The following EPB41L1 variants were observed in gnomAD, a reference collection of about 807,000 sequenced individuals.
The protein encoded by EPB41L1 is erythrocyte membrane protein band 4.1 like 1, also known as band 4.1-like protein 1.
EPB41L1 carries 29 observed loss-of-function variants against 97.8 expected under a neutral mutation model. The observed-to-expected ratio is 0.30, with a 90% confidence interval of 0.22 to 0.40. The LOEUF is 0.40. Among genes scored for constraint, EPB41L1 ranks in the 10% least tolerant of loss-of-function variants. The pLI is 1.00. For synonymous variants in EPB41L1, 383 were observed against 459.2 expected (o/e 0.83, Z 2.12); for missense variants, 812 against 1,162.3 (o/e 0.70, Z 4.38).
chr20:36,108,526 T>C (rs1445908312), intron 1 of EPB41L1, among the ~76,000 whole-genome samples: 1 of 151,308 alleles, frequency 6.6e-6, no homozygotes, highest in African/African-American at 2.4e-5. Flanking sequence ...ATGCAAAAAT[T>C]AGCCAAGCAT....
intron 1 of EPB41L1, among the ~76,000 whole-genome samples, chr20:36,104,284 A>G (rs1569015787): frequency 6.6e-6 from 1 of 151,966 alleles, no homozygotes; most frequent in East Asian, 1.9e-4. Flanking sequence ...CTGGGAGGAG[A>G]CCCATATTCC....
intron 5 of EPB41L1, among the ~76,000 whole-genome samples, 163 bp from the exon 6 acceptor site, chr20:36,182,109 G>A (rs932757859): frequency 6.6e-6 from 1 of 152,214 alleles, no homozygotes; most frequent in Non-Finnish European, 1.5e-5. Flanking sequence ...TTGGGCCTCA[G>A]TTTGCTAATC....
intron 2 of EPB41L1, among the ~76,000 whole-genome samples, chr20:36,130,787 T>TTCTCTCTCTC (rs35428172): frequency 2.1e-5 from 3 of 143,666 alleles, no homozygotes; most frequent in Non-Finnish European, 4.6e-5. Context: ...TTTTAAAAAT[T>TTCTCTCTCTC]TCTCTCTCTC....
At chr20:36,147,127 G>A (rs931782674) in intron 2 of EPB41L1, among the ~76,000 whole-genome samples, 2 of 151,998 alleles carry the variant, frequency 1.3e-5, no homozygotes, top group South Asian at 2.1e-4. Flanking sequence ...CAGCATGGGC[G>A]ACAGAGTGAG....
At chr20:36,178,576 C>T in intron 4 of EPB41L1, 54 bp from the exon 5 acceptor site, 1 of 1,558,952 alleles carries the variant, frequency 6.4e-7, no homozygotes, top group South Asian at 1.1e-5. Context: ...TCTCTCAGCC[C>T]AGTCAGGTCC....
chr20:36,105,767 T>C (rs1034553780), intron 1 of EPB41L1, among the ~76,000 whole-genome samples: 2 of 152,054 alleles, frequency 1.3e-5, no homozygotes, highest in African/African-American at 4.8e-5. Flanking sequence ...CCTGCTGAAA[T>C]GAAAACCAGT....
At chr20:36,214,588 A>T (rs959880724) in intron 17 of EPB41L1, 148 bp downstream of exon 17, 2 of 716,844 alleles carry the variant, frequency 2.8e-6, no homozygotes, top group African/African-American at 3.5e-5. Flanking sequence ...GCTGTTTATT[A>T]TCTGGGGCTT....
At chr20:36,115,457 A>G (rs1347044649) in intron 2 of EPB41L1, among the ~76,000 whole-genome samples, 2 of 152,226 alleles carry the variant, frequency 1.3e-5, no homozygotes, top group Non-Finnish European at 2.9e-5. Flanking sequence ...CAGCCAGCAT[A>G]TGGCTGTGTG....
Position 36,209,353 on chromosome 20 carries a change from C to A in EPB41L1, c.1669-135C>A, listed in dbSNP as rs1029575183. On this transcript the variant is annotated intron_variant, in intron 14 of 21. Transcript: ENST00000338074. This position sits in a 1 kb window ranked among gnomAD's most constrained non-coding sequence, Gnocchi z 4.2. ...AAGGAACCTTTCCTGGGGTGTTTTT[C>A]ATTTCCTGGCCTGCTCTTCCATTCA... The A allele has an allele frequency of 4.7e-6, 3 of 639,896 alleles. No individual in the cohort carries two copies. Among genetic ancestry groups the A allele is most frequent in the Non-Finnish European group, 7.0e-6 (3 of 428,338 alleles). 39.6% of individuals were successfully genotyped at this position (639,896 alleles called of 1,614,324 possible). A position where few individuals can be genotyped will look rare whatever the true frequency, so the allele number is the denominator to read the frequency against.
chr20:36,192,939 A>G (rs550324712), intron 11 of EPB41L1, among the ~76,000 whole-genome samples: 3 of 152,356 alleles, frequency 2.0e-5, no homozygotes, highest in East Asian at 3.9e-4. Context: ...TTTGTCTGGT[A>G]TATGAAAATG....
chr20:36,197,757 T>C, intron 13 of EPB41L1, 102 bp from the exon 14 acceptor site: 1 of 1,606,416 alleles, frequency 6.2e-7, no homozygotes, highest in Non-Finnish European at 8.5e-7. Context: ...ATAACGTTGC[T>C]GGTGGAGGGT....
At chr20:36,123,373 G>T (rs1000842085) in intron 2 of EPB41L1, among the ~76,000 whole-genome samples, 1 of 152,152 alleles carries the variant, frequency 6.6e-6, no homozygotes, top group Non-Finnish European at 1.5e-5. Flanking sequence ...TCAGTTTCCC[G>T]ATCTAACGAG....
rs753437652 is a variant in EPB41L1, at chr20:36,185,291, C to G, written c.741C>G (p.Thr247=). 3.7e-6 allele frequency: 6 copies of G among 1,613,726 alleles called. No homozygotes were observed. The highest frequency in any genetic ancestry group is 3.3e-5 in the Admixed American group (2 of 60,032). ...VSELRFAPNQ[T]RELEERIMEL... is the part of the protein sequence containing the mutation. ...AGCTCCGCTTCGCCCCTAACCAGAC[C>G]CGGGAGCTGGAGGAGAGGATCATGG... Residue 247 remains threonine (T), a synonymous_variant, in exon 7 of 22, where the codon ACC becomes ACG. Transcript: ENST00000338074.
chr20:36,133,956 G>A (rs2059321101), intron 2 of EPB41L1, among the ~76,000 whole-genome samples: 1 of 152,030 alleles, frequency 6.6e-6, no homozygotes, highest in South Asian at 2.1e-4. Flanking sequence ...ATACTTGGAT[G>A]ACTAGGTGAG....
chr20:36,116,619 C>T (rs1600385548), intron 2 of EPB41L1, among the ~76,000 whole-genome samples: 3 of 152,192 alleles, frequency 2.0e-5, no homozygotes, highest in Admixed American at 1.3e-4. Flanking sequence ...TTTCTCCAGA[C>T]AGCACAGTGC....
In EPB41L1 at chr20:36,206,203, C is replaced by T; in HGVS notation, c.1669-3285C>T. On this transcript the variant is annotated intron_variant, in intron 14 of 21. Coordinates refer to ENST00000338074, the MANE Select transcript of EPB41L1 (RefSeq NM_012156.2). The surrounding 1 kb of genome is among the most constrained non-coding windows in gnomAD (Gnocchi z 5.5). ...AGAAAAGCTCCTCGAGGGCTCTGAG[C>T]TCAGGGCAGACACCAGAGAGGCAAC... 7.8e-7 allele frequency: 1 copy of T among 1,289,914 alleles called. No homozygotes were observed. Among genetic ancestry groups the T allele is most frequent in the African/African-American group, 1.5e-5 (1 of 66,008 alleles). 79.9% of individuals were successfully genotyped at this position (1,289,914 alleles called of 1,614,324 possible).
chr20:36,094,072 C>T (rs1389777270), intron 1 of EPB41L1, among the ~76,000 whole-genome samples: 1 of 152,206 alleles, frequency 6.6e-6, no homozygotes, highest in Non-Finnish European at 1.5e-5. Context: ...TCTCCAAGTA[C>T]TGGTGCATAC....
chr20:36,170,188 G>A (rs887942148), intron 1 of EPB41L1, among the ~76,000 whole-genome samples: 2 of 151,616 alleles, frequency 1.3e-5, no homozygotes, highest in Non-Finnish European at 2.9e-5. Flanking sequence ...TTTTTAAAAG[G>A]TTTAAACAGA....
chr20:36,215,054 A>G (rs2063361736), intron 17 of EPB41L1, among the ~76,000 whole-genome samples: 2 of 150,638 alleles, frequency 1.3e-5, no homozygotes, highest in South Asian at 2.1e-4. Flanking sequence ...CGGCAACACT[A>G]GATCCCTTCA....
Sources: gnomAD v4.1 joint callset for allele counts (sites outside exome capture counted in the v4.1 genomes callset) on GRCh38, gnomAD v4.1.1 for gene constraint, Gnocchi (gnomAD v3.1) non-coding constraint, MANE v1.5 for transcripts, NCBI Gene and HGNC (gene_info 2026-07-23, HGNC 2026-07-21) for gene names.